Variants in MTSS1 observed in about 807,000 individuals in gnomAD.
MTSS1 encodes protein MTSS 1.
Under a neutral mutation model 79.0 loss-of-function variants are expected in MTSS1, and 18 were observed. The ratio of observed to expected loss-of-function variants is 0.23; its 90% CI spans 0.16 to 0.34. MTSS1 has a LOEUF of 0.34. MTSS1 is among the 10% of genes least tolerant of loss of function. The pLI is 1.00. For synonymous variants in MTSS1, 341 were observed against 368.6 expected (o/e 0.93, Z 0.86); for missense variants, 815 against 986.2 (o/e 0.83, Z 2.33).
In MTSS1 at chr8:124,592,638, G is replaced by C. The variant is rs1832056581; in HGVS notation, c.209-1403C>G. ...ATCAAGTTTCTACAACCAAATAATA[G>C]TAACTGTGACATATATATCGTATAT... is the stretch of plus-strand genomic sequence containing the variant. On this transcript the variant is annotated intron_variant, in intron 3 of 13. Coordinates refer to ENST00000518547, the MANE Select transcript of MTSS1 (RefSeq NM_014751.6). Among the ~76,000 whole-genome samples the C allele has an allele frequency of 2.6e-5, 4 of 152,198 alleles. 1 individual carries two copies. In the South Asian group the frequency reaches 8.3e-4, roughly 32 times the overall value.
At chr8:124,684,261 G>A (rs527554755) in intron 3 of MTSS1, among the ~76,000 whole-genome samples, 14 of 152,272 alleles carry the variant, frequency 9.2e-5, no homozygotes, top group African/African-American at 2.9e-4. Context: ...ATGAGGAAAT[G>A]TTCAATCTTG....
chr8:124,599,557 CTT>C (rs1346690432), intron 3 of MTSS1, among the ~76,000 whole-genome samples: 1 of 151,578 alleles, frequency 6.6e-6, no homozygotes, highest in Non-Finnish European at 1.5e-5. Context: ...AAGTGGAAAT[CTT>C]TGGTTCCTGG....
chr8:124,557,901 G>T (rs745656277), intron 10 of MTSS1, 26 bp from the exon 11 acceptor site: 3 of 1,520,330 alleles, frequency 2.0e-6, no homozygotes, highest in African/African-American at 2.8e-5. Flanking sequence ...AAAAGGGGGG[G>T]GGAAGGAAAA....
chr8:124,672,674 G>A lies in MTSS1; in HGVS notation c.208+26852C>T, dbSNP rs117480752. ...ATTTAAAAAAAAATAGCTGGGTGTG[G>A]TGGCATGCACCCATAGTCCCAGCTA... On this transcript the variant is annotated intron_variant, in intron 3 of 13. Coordinates refer to ENST00000518547, the MANE Select transcript of MTSS1 (RefSeq NM_014751.6). 1.8e-4 allele frequency among the ~76,000 whole-genome samples: 27 copies of A among 151,442 alleles called. No homozygotes were observed. The East Asian group carries it at 5.0e-3, about 28-fold the overall frequency.
intron 3 of MTSS1, among the ~76,000 whole-genome samples, chr8:124,599,277 AG>A (rs1833324941): frequency 1.3e-5 from 2 of 152,152 alleles, no homozygotes; most frequent in South Asian, 4.1e-4. Flanking sequence ...TGAGGTCAGG[AG>A]TTTGAGACCA....
At chr8:124,715,939 G>A (rs910034052) in intron 1 of MTSS1, among the ~76,000 whole-genome samples, 1 of 152,208 alleles carries the variant, frequency 6.6e-6, no homozygotes, top group African/African-American at 2.4e-5. Context: ...GATGGTTGTA[G>A]GATGATGGGG....
chr8:124,621,933 C>A (rs1035506940), intron 3 of MTSS1, among the ~76,000 whole-genome samples: 10 of 152,070 alleles, frequency 6.6e-5, no homozygotes, highest in Admixed American at 5.2e-4. Context: ...GGCACTTGAA[C>A]CATCCGTTTC....
At chr8:124,605,544 A>ACTGCCTCCCTCCCTGCCCTCTCG (rs748895607) in intron 3 of MTSS1, among the ~76,000 whole-genome samples, 2,373 of 132,436 alleles carry the variant, frequency 0.018, 173 homozygotes, top group Middle Eastern at 0.074. Context: ...CAGCCCTCGC[A>ACTGCCTCCCTCCCTGCCCTCTCG]CTGCCTCCCT....
rs1201434787 is a variant in MTSS1 at position 124,565,762 on chromosome 8, A to G, written c.727-3T>C. On this transcript the variant is annotated splice_polypyrimidine_tract_variant and splice_region_variant and intron_variant, in intron 8 of 13. Transcript: ENST00000518547. ...GAACCTTTCAAGTCCAGAATCACCT[A>G]AGGGGACAGAGCCAGCTGGGTGAAT... The G allele has an allele frequency of 3.1e-6, 5 of 1,610,574 alleles. 1 individual carries two copies. The South Asian group carries it at 5.5e-5, about 18-fold the overall frequency.
intron 3 of MTSS1, among the ~76,000 whole-genome samples, chr8:124,631,824 G>A (rs1261327797): frequency 3.3e-5 from 5 of 152,206 alleles, no homozygotes; most frequent in Non-Finnish European, 5.9e-5. Context: ...GCCCTCCAAA[G>A]GCAGAGGCAG....
intron 6 of MTSS1, among the ~76,000 whole-genome samples, chr8:124,571,636 C>T (rs184274869): frequency 2.0e-3 from 301 of 152,192 alleles, no homozygotes; most frequent in African/African-American, 6.6e-3. Context: ...CAAACTTGCT[C>T]GGTGGGCTTT....
chr8:124,567,938 C>T, intron 7 of MTSS1: 17 of 1,397,634 alleles, frequency 1.2e-5, no homozygotes, highest in Non-Finnish European at 1.6e-5. Context: ...CTTGGATATT[C>T]ATCTCATGGT....
At chr8:124,667,269 C>T (rs1432509142) in intron 3 of MTSS1, among the ~76,000 whole-genome samples, 3 of 152,100 alleles carry the variant, frequency 2.0e-5, no homozygotes, top group African/African-American at 7.2e-5. Context: ...ACTGTGAAAG[C>T]GCGACATGTT....
intron 3 of MTSS1, among the ~76,000 whole-genome samples, chr8:124,634,276 G>GTTTTTTTTTTTTTTTTTTTTTTTTTT (rs370401979): frequency 6.8e-6 from 1 of 147,620 alleles, no homozygotes; most frequent in African/African-American, 2.6e-5. Flanking sequence ...TACCTGGCTA[G>GTTTTTTTTTTTTTTTTTTTTTTTTTT]TTTTTTTTTG....
rs1832943144 is a variant in MTSS1, at chr8:124,597,364, G to A, written c.209-6129C>T. 6.6e-6 allele frequency among the ~76,000 whole-genome samples: 1 copy of A among 152,162 alleles called. No individual in the cohort carries two copies. Among genetic ancestry groups the A allele is most frequent in the South Asian group, 2.1e-4 (1 of 4,832 alleles). ...GGGCTCTCTCTCACTACGACAAGCTGGAGACATTCCCAGCTGAGGACAAAG... is the reference window on the plus strand; with the variant it reads ...GGGCTCTCTCTCACTACGACAAGCTAGAGACATTCCCAGCTGAGGACAAAG... On this transcript the variant is annotated intron_variant, in intron 3 of 13. Transcript: ENST00000518547. The surrounding 1 kb of genome is among the most constrained non-coding windows in gnomAD (Gnocchi z 4.6).
chr8:124,630,694 T>G (rs773577492), intron 3 of MTSS1, among the ~76,000 whole-genome samples: 2 of 152,208 alleles, frequency 1.3e-5, no homozygotes, highest in Admixed American at 6.5e-5. Context: ...CCAACCTGCC[T>G]CCACTGTCTC....
chr8:124,614,555 A>G (rs1836491231), intron 3 of MTSS1, among the ~76,000 whole-genome samples: 1 of 152,258 alleles, frequency 6.6e-6, no homozygotes, highest in Admixed American at 6.5e-5. Flanking sequence ...CAGGATCCAG[A>G]AGACTATGCT....
chr8:124,656,351 T>G (rs1423814877), intron 3 of MTSS1, among the ~76,000 whole-genome samples: 2 of 152,022 alleles, frequency 1.3e-5, no homozygotes, highest in Non-Finnish European at 2.9e-5. Context: ...GAGAGCTAAA[T>G]GAGCCTAAAT....
intron 3 of MTSS1, among the ~76,000 whole-genome samples, chr8:124,622,080 G>C (rs944423666): frequency 1.4e-4 from 21 of 151,810 alleles, no homozygotes; most frequent in African/African-American, 4.8e-4. Flanking sequence ...GAGAGAGAGA[G>C]AGAGAGAGAG....
Sources: allele counts gnomAD v4.1 joint callset (sites outside exome capture counted in the v4.1 genomes callset), GRCh38; gene constraint gnomAD v4.1.1; non-coding constraint Gnocchi (gnomAD v3.1); transcripts MANE v1.5; gene names NCBI Gene and HGNC (gene_info 2026-07-23, HGNC 2026-07-21).